Variants in ERC2 observed in about 807,000 individuals in gnomAD.
The protein encoded by ERC2 is ELKS/RAB6-interacting/CAST family member 2.
Under a neutral mutation model 114.8 loss-of-function variants are expected in ERC2, and 42 were observed. The ratio of observed to expected loss-of-function variants is 0.37; its 90% CI spans 0.29 to 0.47. The LOEUF (loss-of-function observed/expected upper bound fraction) is 0.47, where lower values mean the gene tolerates loss of function less well. Ranked by LOEUF, ERC2 falls within the 20% of genes least tolerant of loss-of-function variation. The probability of loss-of-function intolerance (pLI) is 0.99; values close to 1 mark genes in which losing one functional copy is unlikely to be tolerated. For missense variants in ERC2, 939 were observed against 1,150.7 expected (o/e 0.82, Z 2.66); for synonymous variants, 454 against 425.5 (o/e 1.07, Z -0.82).
rs774273431 is a variant in ERC2, at chr3:56,418,451, G to C, written c.657+15900C>G. Among the ~76,000 whole-genome samples, 98 of 152,162 alleles carry C rather than the reference G, an allele frequency of 6.4e-4. 1 individual carries two copies. The highest frequency in any genetic ancestry group is 1.0e-3 in the Non-Finnish European group (71 of 68,010). ...ACAGTCAATCCTGACACTGGAGACT[G>C]ACTTTGGAGTTAGTCTGCCTGGGTT... On this transcript the variant is annotated intron_variant, in intron 2 of 17. Transcript: ENST00000288221.
chr3:56,129,903 G>A (rs1032593521), intron 6 of ERC2, among the ~76,000 whole-genome samples: 1 of 152,084 alleles, frequency 6.6e-6, no homozygotes, highest in African/African-American at 2.4e-5. Flanking sequence ...TGGTCATACA[G>A]GTCAAATAAC....
chr3:55,599,139 G>A (rs1407508577), intron 17 of ERC2, among the ~76,000 whole-genome samples: 1 of 152,220 alleles, frequency 6.6e-6, no homozygotes, highest in East Asian at 1.9e-4. Flanking sequence ...ATAAATGGCT[G>A]TTGAATAAAT....
intron 3 of ERC2, among the ~76,000 whole-genome samples, chr3:56,265,439 A>G (rs1251507887): frequency 6.6e-6 from 1 of 152,214 alleles, no homozygotes; most frequent in Non-Finnish European, 1.5e-5. Context: ...CTTACACCAT[A>G]CACAAAAATC....
chr3:56,283,407 G>A (rs1183007322), intron 3 of ERC2, among the ~76,000 whole-genome samples: 2 of 152,212 alleles, frequency 1.3e-5, no homozygotes, highest in Admixed American at 6.5e-5. Context: ...AAGGCAGGAG[G>A]ATCACTTAAG....
chr3:56,176,860 T>TG (rs954712305), intron 3 of ERC2, among the ~76,000 whole-genome samples: 2 of 152,164 alleles, frequency 1.3e-5, no homozygotes, highest in Non-Finnish European at 2.9e-5. Flanking sequence ...ACTACCTAGG[T>TG]GGGGCCATGG....
chr3:55,938,401 G>T (rs1253456432), intron 13 of ERC2, among the ~76,000 whole-genome samples: 1 of 152,086 alleles, frequency 6.6e-6, no homozygotes, highest in South Asian at 2.1e-4. Flanking sequence ...GGACTCTAAC[G>T]TACATGTGGT....
chr3:56,136,669 T>A (rs2080526674), intron 6 of ERC2, among the ~76,000 whole-genome samples: 1 of 152,128 alleles, frequency 6.6e-6, no homozygotes, highest in Non-Finnish European at 1.5e-5. Flanking sequence ...GAAATCACTT[T>A]AAAGTATTCT....
At chr3:55,784,288 A>C (rs1252644290) in intron 14 of ERC2, among the ~76,000 whole-genome samples, 1 of 152,188 alleles carries the variant, frequency 6.6e-6, no homozygotes, top group Non-Finnish European at 1.5e-5. Context: ...AGAGAAACAA[A>C]GGTAATTCAT....
At chr3:56,285,253 C>G (rs1318244563) in intron 3 of ERC2, among the ~76,000 whole-genome samples, 3 of 151,886 alleles carry the variant, frequency 2.0e-5, no homozygotes, top group African/African-American at 7.3e-5. Flanking sequence ...TGCCACAGCC[C>G]CAGGCCAGCC....
At chr3:56,385,370 T>C (rs2059899596) in intron 2 of ERC2, among the ~76,000 whole-genome samples, 1 of 152,012 alleles carries the variant, frequency 6.6e-6, no homozygotes, top group Non-Finnish European at 1.5e-5. Flanking sequence ...CATAATCCAA[T>C]CACTTCCCAA....
chr3:56,425,912 A>G (rs1261834285), intron 2 of ERC2, among the ~76,000 whole-genome samples: 1 of 152,052 alleles, frequency 6.6e-6, no homozygotes, highest in Non-Finnish European at 1.5e-5. Flanking sequence ...TGTTGGTGCA[A>G]TTTCTCAGAG....
intron 3 of ERC2, among the ~76,000 whole-genome samples, chr3:56,186,959 C>T (rs1406469478): frequency 6.6e-6 from 1 of 152,156 alleles, no homozygotes; most frequent in Non-Finnish European, 1.5e-5. Context: ...GAGACAAGGA[C>T]TTCCATGCAA....
intron 2 of ERC2, among the ~76,000 whole-genome samples, chr3:56,424,593 C>G (rs2061499061): frequency 6.6e-6 from 1 of 152,216 alleles, no homozygotes; most frequent in Non-Finnish European, 1.5e-5. Flanking sequence ...AAGAAACCAG[C>G]TCTTGGCTCT....
At position 56,394,295 on chromosome 3, in the gene ERC2, C is replaced by T. The variant is rs924112020; in HGVS notation, c.657+40056G>A. Among the ~76,000 whole-genome samples, 424 of 152,246 alleles carry T rather than the reference C, an allele frequency of 2.8e-3. 22 individuals carry two copies. The highest frequency in any genetic ancestry group is 0.028 in the Admixed American group (423 of 15,288). Reference sequence around the variant, plus strand: ...ATTAATTTTCTTGTTGAAAATTCAACATAAACTCCAAATATTATTAATATT... The same window carrying T: ...ATTAATTTTCTTGTTGAAAATTCAATATAAACTCCAAATATTATTAATATT... On this transcript the variant is annotated intron_variant, in intron 2 of 17. Transcript: ENST00000288221.
intron 2 of ERC2, among the ~76,000 whole-genome samples, chr3:56,417,775 T>C (rs934850727): frequency 6.6e-6 from 1 of 152,162 alleles, no homozygotes; most frequent in African/African-American, 2.4e-5. Flanking sequence ...ACTAACACCA[T>C]GTTGCCAGTT....
At chr3:55,942,058 T>C (rs987745182) in intron 13 of ERC2, among the ~76,000 whole-genome samples, 4 of 152,092 alleles carry the variant, frequency 2.6e-5, no homozygotes, top group Non-Finnish European at 5.9e-5. Context: ...ATTTTAACCA[T>C]TCAAATCCTA....
chr3:56,121,375 C>T (rs1399146389), intron 6 of ERC2, among the ~76,000 whole-genome samples: 1 of 152,078 alleles, frequency 6.6e-6, no homozygotes, highest in African/African-American at 2.4e-5. Context: ...ACAATAAAAA[C>T]AATTAGAACA....
intron 7 of ERC2, among the ~76,000 whole-genome samples, chr3:56,039,421 T>C (rs1037189164): frequency 1.3e-5 from 2 of 151,916 alleles, no homozygotes; most frequent in Non-Finnish European, 2.9e-5. Flanking sequence ...ACAATAAATA[T>C]AACAGGAATA....
chr3:56,064,022 T>C (rs1313460597), intron 7 of ERC2, among the ~76,000 whole-genome samples: 2 of 152,184 alleles, frequency 1.3e-5, no homozygotes, highest in Admixed American at 6.5e-5. Context: ...TTCACTGATC[T>C]GGAAAAAAAA....
Sources: gnomAD v4.1 joint callset for allele counts (sites outside exome capture counted in the v4.1 genomes callset) on GRCh38, gnomAD v4.1.1 for gene constraint, MANE v1.5 for transcripts, NCBI Gene and HGNC (gene_info 2026-07-23, HGNC 2026-07-21) for gene names.